DNAH1: variants seen among roughly 807,000 people sequenced by gnomAD.
DNAH1 encodes the protein axonemal beta dynein heavy chain 1.
In DNAH1, 327 loss-of-function variants were observed where a neutral mutation model predicts 484.3. That is an observed-to-expected ratio of 0.68 (90% CI 0.62 to 0.74). The LOEUF (loss-of-function observed/expected upper bound fraction) is 0.74, where lower values mean the gene tolerates loss of function less well. Among genes scored for constraint, DNAH1 ranks in the 30% least tolerant of loss-of-function variants. The pLI is 0.00. For synonymous variants in DNAH1, 2,192 were observed against 2,191.9 expected (o/e 1.00, Z 0.00); for missense variants, 5,052 against 5,546.8 (o/e 0.91, Z 2.83).
chr3:52,362,295 C>A lies in DNAH1; in HGVS notation c.4981-93C>A. Reference sequence around the variant, plus strand: ...CCTGGCCTACCAGCTACAGCCAGGACAGGGGCATCAACAGGGGACAAGGGG... The same window carrying A: ...CCTGGCCTACCAGCTACAGCCAGGAAAGGGGCATCAACAGGGGACAAGGGG... On this transcript the variant is annotated intron_variant, in intron 30 of 77. Coordinates refer to ENST00000420323, the MANE Select transcript of DNAH1 (RefSeq NM_015512.5). The surrounding 1 kb of genome is among the most constrained non-coding windows in gnomAD (Gnocchi z 5.1). 2 of 1,022,668 alleles carry A rather than the reference C, an allele frequency of 2.0e-6. No individual in the cohort carries two copies. Among genetic ancestry groups the A allele is most frequent in the Non-Finnish European group, 3.0e-6 (2 of 671,208 alleles). The allele number at this position is 1,022,668 out of a possible 1,614,324, so 63.3% of individuals were successfully genotyped here.
chr3:52,325,482 C>A (rs1173563817), intron 3 of DNAH1, among the ~76,000 whole-genome samples: 1 of 152,190 alleles, frequency 6.6e-6, no homozygotes, highest in Non-Finnish European at 1.5e-5. Context: ...TCTCACTTTG[C>A]CTGGGACTTT....
intron 14 of DNAH1, 83 bp downstream of exon 14, chr3:52,349,503 A>G: frequency 3.0e-6 from 4 of 1,337,142 alleles, no homozygotes; most frequent in Non-Finnish European, 3.2e-6. Flanking sequence ...ACATGGCAAG[A>G]TGTCCCCAAG....
Position 52,386,350 on chromosome 3 carries a change from G to T in DNAH1, c.8811+5G>T, listed in dbSNP as rs1335952816. Reference sequence around the variant, plus strand: ...AACAAGAACGATGTGACCGAGGTGGGCAGCAGGGCATCTCCTGGCATTCCC... The same window carrying T: ...AACAAGAACGATGTGACCGAGGTGGTCAGCAGGGCATCTCCTGGCATTCCC... On this transcript the variant is annotated splice_donor_5th_base_variant and intron_variant, in intron 55 of 77. Transcript: ENST00000420323. 4 of 1,558,554 alleles carry T rather than the reference G, an allele frequency of 2.6e-6. No individual in the cohort carries two copies. The African/African-American group carries it at 5.5e-5, about 21-fold the overall frequency.
chr3:52,390,545 G>A (rs979309989), intron 60 of DNAH1, among the ~76,000 whole-genome samples: 1 of 152,210 alleles, frequency 6.6e-6, no homozygotes, highest in Non-Finnish European at 1.5e-5. Flanking sequence ...GGCCAGGCGT[G>A]GGCAGAGGCC....
At chr3:52,373,692 A>C in intron 44 of DNAH1, 1 of 1,375,422 alleles carries the variant, frequency 7.3e-7, no homozygotes, top group South Asian at 1.2e-5. Context: ...TTTTATCCAG[A>C]AGTTATGTCA....
chr3:52,314,711 C>T (rs1351522598), upstream of DNAH1, among the ~76,000 whole-genome samples: 1 of 152,150 alleles, frequency 6.6e-6, no homozygotes, highest in East Asian at 1.9e-4. Context: ...TGACCATGGT[C>T]CTCTGGGGCC....
chr3:52,394,402 G>C, intron 66 of DNAH1, 63 bp from the exon 67 acceptor site: 1 of 1,534,852 alleles, frequency 6.5e-7, no homozygotes, highest in South Asian at 1.1e-5. Context: ...ACTGGGTGGG[G>C]GTGCCCAGAG....
chr3:52,359,524 C>A, intron 26 of DNAH1, 138 bp downstream of exon 26: 1 of 1,215,674 alleles, frequency 8.2e-7, no homozygotes, highest in South Asian at 1.6e-5. Flanking sequence ...GTCAGACACC[C>A]TTGAAGTGTC....
At chr3:52,328,193 A>G (rs1701421529) in intron 6 of DNAH1, among the ~76,000 whole-genome samples, 179 bp downstream of exon 6, 1 of 152,198 alleles carries the variant, frequency 6.6e-6, no homozygotes, top group Admixed American at 6.5e-5. Flanking sequence ...GGGACCAGGG[A>G]AAACATCGTT....
At chr3:52,373,509 A>G in intron 44 of DNAH1, 1 of 1,461,646 alleles carries the variant, frequency 6.8e-7, no homozygotes, top group East Asian at 2.4e-5. Context: ...CAGGAAAAAC[A>G]GCCTTGTTGC....
At position 52,375,426 on chromosome 3, in the gene DNAH1, G is replaced by T; in HGVS notation, c.7159+13G>T. The T allele has an allele frequency of 6.2e-7, 1 of 1,609,434 alleles. No individual in the cohort carries two copies. The highest frequency in any genetic ancestry group is 8.5e-7 in the Non-Finnish European group (1 of 1,178,522). On this transcript the variant is annotated intron_variant, in intron 45 of 77. Transcript: ENST00000420323. ...GGCAACTGGTTGGGTGAGTATTGGT[G>T]GGGGTGAGCATGGACAAAGGCAGAA...
In DNAH1 at chr3:52,362,350, A is replaced by ACCCTAGT. The variant is rs754844187; in HGVS notation, c.4981-34_4981-28dup. 17 of 1,577,046 alleles carry ACCCTAGT rather than the reference A, an allele frequency of 1.1e-5. No homozygotes were observed. In the South Asian group the frequency reaches 1.9e-4, roughly 18 times the overall value. On this transcript the variant is annotated intron_variant, in intron 30 of 77. Transcript: ENST00000420323. The surrounding 1 kb of genome is among the most constrained non-coding windows in gnomAD (Gnocchi z 5.1). ...CTCAGAGGAGGGGACAAGGCTGGGC[A>ACCCTAGT]CCCTAGTCCCAGGCAAGTCAGCCTC...
rs1211807124 is a variant in DNAH1 at position 52,378,594 on chromosome 3, TC to T, written c.7199-3del. ...CATGTGACCCAGGCCATTCTCCTAT[TC>T]CCCCAGCTGGGGCCCCCCACATTGC... On this transcript the variant is annotated splice_polypyrimidine_tract_variant and splice_region_variant and intron_variant, in intron 46 of 77. Transcript: ENST00000420323. 1.2e-6 allele frequency: 2 copies of T among 1,612,978 alleles called. No homozygotes were observed. Among genetic ancestry groups the T allele is most frequent in the Admixed American group, 3.3e-5 (2 of 59,988 alleles).
rs779630144 is a variant in DNAH1, at chr3:52,395,314, A to G, written c.10975A>G (p.Asn3659Asp). ...TCTCCCCCTGCCCTTGCAGACAGCCAATCTGTCAGTGGTGTTCAAAGACTC... is the reference window on the plus strand; with the variant it reads ...TCTCCCCCTGCCCTTGCAGACAGCCGATCTGTCAGTGGTGTTCAAAGACTC... Reference protein sequence around the residue: ...EPRFIEPQTANLSVVFKDSNS... With the variant: ...EPRFIEPQTADLSVVFKDSNS... The change falls in exon 69 of 78, where the codon AAT becomes GAT. Residue 3659 changes from asparagine to aspartate, a missense_variant. Coordinates refer to ENST00000420323, the MANE Select transcript of DNAH1 (RefSeq NM_015512.5). The surrounding 1 kb of genome is among the most constrained non-coding windows in gnomAD (Gnocchi z 4.4). 5 of 1,613,082 alleles carry G rather than the reference A, an allele frequency of 3.1e-6. No individual in the cohort carries two copies. The African/African-American group carries it at 6.7e-5, about 22-fold the overall frequency.
intron 50 of DNAH1, among the ~76,000 whole-genome samples, chr3:52,382,939 C>G (rs992828886): frequency 6.6e-6 from 1 of 152,224 alleles, no homozygotes; most frequent in African/African-American, 2.4e-5. Context: ...CCATCCTAGA[C>G]AAAGGCCCCT....
chr3:52,312,398 G>A (rs1317014842), upstream of DNAH1, among the ~76,000 whole-genome samples: 1 of 152,008 alleles, frequency 6.6e-6, no homozygotes, highest in Non-Finnish European at 1.5e-5. Flanking sequence ...TCACTGCTTA[G>A]GTTTGGAGAT....
At position 52,372,354 on chromosome 3, in the gene DNAH1, C is replaced by G; in HGVS notation, c.6794C>G (p.Thr2265Ser). ...TCAGCCCGCACTTCAGCCAACCAGACCCAGGACTTCATTGACAGCAAGCTG... is the reference window on the plus strand; with the variant it reads ...TCAGCCCGCACTTCAGCCAACCAGAGCCAGGACTTCATTGACAGCAAGCTG... ...TFSARTSANQ[T>S]QDFIDSKLDK... The change falls in exon 43 of 78, where the codon ACC (threonine) becomes AGC (serine). Residue 2265 changes from threonine to serine, a missense_variant. Coordinates refer to ENST00000420323, the MANE Select transcript of DNAH1 (RefSeq NM_015512.5). 6.2e-7 allele frequency: 1 copy of G among 1,613,966 alleles called. No individual in the cohort carries two copies. The highest frequency in any genetic ancestry group is 1.7e-5 in the Admixed American group (1 of 60,034).
chr3:52,366,675 C>G, intron 35 of DNAH1, 58 bp from the exon 36 acceptor site: 1 of 1,580,242 alleles, frequency 6.3e-7, no homozygotes, highest in Non-Finnish European at 8.6e-7. Context: ...CCCTTGGCCC[C>G]CAGCCCACTC....
chr3:52,357,407 G>A (rs768636291), intron 22 of DNAH1, among the ~76,000 whole-genome samples: 1 of 152,310 alleles, frequency 6.6e-6, no homozygotes, highest in South Asian at 2.1e-4. Context: ...AAACTCTTTA[G>A]CTTTGTTTAA....
Sources: gnomAD v4.1 joint callset for allele counts (sites outside exome capture counted in the v4.1 genomes callset) on GRCh38, gnomAD v4.1.1 for gene constraint, Gnocchi (gnomAD v3.1) non-coding constraint, MANE v1.5 for transcripts, NCBI Gene and HGNC (gene_info 2026-07-23, HGNC 2026-07-21) for gene names.